Variants in LAMA3 observed in about 807,000 individuals in gnomAD.
The protein encoded by LAMA3 is laminin subunit alpha-3.
In LAMA3, 281 loss-of-function variants were observed where a neutral mutation model predicts 402.0. The observed-to-expected ratio is 0.70, with a 90% CI of 0.63 to 0.77. The LOEUF (loss-of-function observed/expected upper bound fraction) is 0.77. Among genes scored for constraint, LAMA3 ranks in the 30% least tolerant of loss-of-function variants. The pLI is 0.00. For synonymous variants in LAMA3, 1,431 were observed against 1,558.4 expected, an observed-to-expected ratio of 0.92 and a Z score of 1.93; for missense variants, 3,840 against 4,215.5, an observed-to-expected ratio of 0.91 and a Z score of 2.47.
chr18:23,941,532 A>G (rs927572273), intron 68 of LAMA3, among the ~76,000 whole-genome samples: 2 of 152,198 alleles, frequency 1.3e-5, no homozygotes, highest in African/African-American at 4.8e-5. Flanking sequence ...ATGTTGTAGC[A>G]ATCAGTTATT....
At chr18:23,768,794 A>C (rs185151449) in intron 8 of LAMA3, among the ~76,000 whole-genome samples, 90 of 152,346 alleles carry the variant, frequency 5.9e-4, no homozygotes, top group Non-Finnish European at 1.1e-3. Flanking sequence ...ACATGATGGA[A>C]TATTACACAG....
chr18:23,842,431 G>T lies in LAMA3; in HGVS notation c.3373G>T (p.Gly1125Cys). Residue 1125 changes from glycine (G) to cysteine (C), a missense_variant, in exon 28 of 75, where the codon GGC (glycine) becomes TGC (cysteine). By Grantham distance (159) the Gly-to-Cys change is radical. This residue lies in a region of LAMA3 where 2,109 missense variants were observed against 2,376.0 expected (regional missense o/e 0.89). Coordinates refer to ENST00000313654, the MANE Select transcript of LAMA3 (RefSeq NM_198129.4). ...CCTGAGAGGACGTGTACCACACCTG[G>T]GCCGATACGTCTTTGTCATCCATTT... ...VTLRGRVPHLGRYVFVIHFYQ... is the reference protein window; with the variant it reads ...VTLRGRVPHLCRYVFVIHFYQ... 1.2e-6 allele frequency: 2 copies of T among 1,614,020 alleles called. No individual in the cohort carries two copies. The highest frequency in any genetic ancestry group is 1.7e-6 in the Non-Finnish European group (2 of 1,180,006).
Position 23,689,654 on chromosome 18 carries a change from G to C in LAMA3, c.-30G>C. ...GGTGCCCCCGAGCCCCTCTGCGGACGGCTCAGGCGGGAGGACCCCGCGCGG... is the reference window on the plus strand; with the variant it reads ...GGTGCCCCCGAGCCCCTCTGCGGACCGCTCAGGCGGGAGGACCCCGCGCGG... On this transcript the variant is annotated 5_prime_UTR_variant, in exon 1 of 75. Transcript: ENST00000313654. 5 of 1,262,268 alleles carry C rather than the reference G, an allele frequency of 4.0e-6. No homozygotes were observed. The highest frequency in any genetic ancestry group is 5.0e-6 in the Non-Finnish European group (5 of 1,007,048). 78.2% of individuals were successfully genotyped at this position (1,262,268 alleles called of 1,614,324 possible). A position where few individuals can be genotyped will look rare whatever the true frequency, so the allele number is the denominator to read the frequency against.
chr18:23,811,220 T>C (rs957799755), intron 13 of LAMA3, among the ~76,000 whole-genome samples: 1 of 152,188 alleles, frequency 6.6e-6, no homozygotes, highest in Non-Finnish European at 1.5e-5. Context: ...CAAATTTCCC[T>C]GGGCTCCCTG....
At chr18:23,938,587 C>T (rs2082382566) in intron 67 of LAMA3, among the ~76,000 whole-genome samples, 1 of 151,692 alleles carries the variant, frequency 6.6e-6, no homozygotes, top group South Asian at 2.1e-4. Context: ...CCCTGTTGCC[C>T]AAGTGAATGG....
chr18:23,937,693 C>G (rs113844942), intron 67 of LAMA3, among the ~76,000 whole-genome samples: 5 of 152,308 alleles, frequency 3.3e-5, no homozygotes, highest in African/African-American at 1.2e-4. Flanking sequence ...GCAAGGCCCA[C>G]TGGTATGAGT....
intron 24 of LAMA3, among the ~76,000 whole-genome samples, chr18:23,836,268 A>G (rs936959816): frequency 6.6e-6 from 1 of 152,206 alleles, no homozygotes; most frequent in African/African-American, 2.4e-5. Context: ...TGCCTAAATT[A>G]TTTCAAATAT....
chr18:23,718,229 G>T (rs1346443496), intron 2 of LAMA3, among the ~76,000 whole-genome samples: 1 of 152,026 alleles, frequency 6.6e-6, no homozygotes, highest in Non-Finnish European at 1.5e-5. Context: ...ATACACTCTG[G>T]ACTTCCTCCA....
intron 12 of LAMA3, among the ~76,000 whole-genome samples, chr18:23,793,378 G>C (rs1427205368): frequency 6.6e-6 from 1 of 152,064 alleles, no homozygotes; most frequent in Non-Finnish European, 1.5e-5. Context: ...AGATGTCAAA[G>C]CATCAGAAAC....
intron 6 of LAMA3, among the ~76,000 whole-genome samples, chr18:23,757,306 G>C (rs113442652): frequency 0.012 from 1,830 of 152,052 alleles, 42 homozygotes; most frequent in African/African-American, 0.042. Context: ...GCCCCCGGCT[G>C]CCTCGTGGCT....
intron 52 of LAMA3, among the ~76,000 whole-genome samples, chr18:23,907,209 A>T (rs2081280679): frequency 6.6e-6 from 1 of 152,248 alleles, no homozygotes. Context: ...ATTATGTGGT[A>T]GGACATGGTA....
chr18:23,854,939 C>A (rs916186833), intron 32 of LAMA3, among the ~76,000 whole-genome samples: 2 of 150,002 alleles, frequency 1.3e-5, no homozygotes, highest in African/African-American at 4.9e-5. Flanking sequence ...GAGCCGAGAT[C>A]GCGCCACTGC....
intron 36 of LAMA3, among the ~76,000 whole-genome samples, chr18:23,866,167 A>T (rs2064351596): frequency 6.6e-6 from 1 of 152,234 alleles, no homozygotes. Context: ...GCGGCAGTCT[A>T]GAAAATTCCT....
At chr18:23,785,636 G>A (rs182733614) in intron 12 of LAMA3, among the ~76,000 whole-genome samples, 25 of 152,296 alleles carry the variant, frequency 1.6e-4, no homozygotes, top group Admixed American at 3.9e-4. Context: ...TTAAGAGCTT[G>A]TAGTCCCATT....
chr18:23,697,927 C>T lies in LAMA3; in HGVS notation c.294+7950C>T, dbSNP rs142865514. ...GAGGCCTCTCTCCTTAGCTTGTAGACGGCCACCTTCTGCCTGTGTCTTCAC... is the reference window on the plus strand; with the variant it reads ...GAGGCCTCTCTCCTTAGCTTGTAGATGGCCACCTTCTGCCTGTGTCTTCAC... On this transcript the variant is annotated intron_variant, in intron 1 of 74. Coordinates refer to ENST00000313654, the MANE Select transcript of LAMA3 (RefSeq NM_198129.4). Among the ~76,000 whole-genome samples, 607 of 152,110 alleles carry T rather than the reference C, an allele frequency of 4.0e-3. 3 individuals are homozygous for T. The highest frequency in any genetic ancestry group is 0.011 in the African/African-American group (446 of 41,480).
chr18:23,861,846 C>T (rs773440945), intron 35 of LAMA3, 39 bp downstream of exon 35: 2 of 1,579,872 alleles, frequency 1.3e-6, no homozygotes, highest in Non-Finnish European at 8.6e-7. Context: ...CCTCAGTGGG[C>T]CTCTGCTATT....
At position 23,918,122 on chromosome 18, in the gene LAMA3, T is replaced by C. The variant is rs1020914220; in HGVS notation, c.7923+1427T>C. 6.6e-6 allele frequency among the ~76,000 whole-genome samples: 1 copy of C among 152,192 alleles called. No individual in the cohort carries two copies. Among genetic ancestry groups the C allele is most frequent in the Non-Finnish European group, 1.5e-5 (1 of 68,042 alleles). ...TCTTGTGCATATGACTAGCCAGTTA[T>C]CCCAGCATCACTTATTGAATAGGGA... On this transcript the variant is annotated intron_variant, in intron 60 of 74. Transcript: ENST00000313654. The surrounding 1 kb of genome is among the most constrained non-coding windows in gnomAD (Gnocchi z 4.1).
At chr18:23,898,885 TG>T in intron 45 of LAMA3, 37 bp downstream of exon 45, 1 of 1,577,420 alleles carries the variant, frequency 6.3e-7, no homozygotes, top group African/African-American at 1.3e-5. Context: ...GGGGTTTTTT[TG>T]CTTTCAAAGT....
chr18:23,928,895 G>A, intron 64 of LAMA3, 130 bp downstream of exon 64: 1 of 890,722 alleles, frequency 1.1e-6, no homozygotes, highest in East Asian at 2.5e-5. Flanking sequence ...AAATGCTATT[G>A]TATAGTTCAA....
Sources: allele counts gnomAD v4.1 joint callset (sites outside exome capture counted in the v4.1 genomes callset), GRCh38; gene constraint gnomAD v4.1.1; regional missense constraint gnomAD v4.1.1; non-coding constraint Gnocchi (gnomAD v3.1); transcripts MANE v1.5; gene names NCBI Gene and HGNC (gene_info 2026-07-23, HGNC 2026-07-21).